Variants in RFX3 observed in about 807,000 individuals in gnomAD.
RFX3 encodes regulatory factor X3.
A neutral mutation model predicts 98.6 loss-of-function variants in RFX3; 14 were observed. The observed-to-expected ratio is 0.14, with a 90% CI of 0.09 to 0.22. The LOEUF (loss-of-function observed/expected upper bound fraction) is 0.22. Ranked by LOEUF, RFX3 falls within the 10% of genes least tolerant of loss-of-function variation. The pLI, the probability that RFX3 is intolerant of heterozygous loss-of-function variation, is 1.00. For missense variants in RFX3, 639 were observed against 926.9 expected (o/e 0.69, Z 4.03); for synonymous variants, 383 against 328.4 (o/e 1.17, Z -1.80).
intron 2 of RFX3, among the ~76,000 whole-genome samples, chr9:3,374,086 A>ACG (rs1554684120): frequency 6.8e-4 from 94 of 139,136 alleles, no homozygotes; most frequent in African/African-American, 2.6e-3. Flanking sequence ...TCACACACAC[A>ACG]CGCGCGCACA....
In RFX3 at chr9:3,317,374, T is replaced by C. The variant is rs59438133; in HGVS notation, c.474+12885A>G. Among the ~76,000 whole-genome samples the C allele has an allele frequency of 5.2e-3, 797 of 152,286 alleles. 10 individuals are homozygous for C. Among genetic ancestry groups the C allele is most frequent in the African/African-American group, 0.018 (754 of 41,556 alleles). On this transcript the variant is annotated intron_variant, in intron 4 of 16. Coordinates refer to ENST00000617270, the MANE Select transcript of RFX3 (RefSeq NM_001282116.2). ...ACCTTATGCAAAAATTAATTCAAGA[T>C]GGATTAAAGACTTAAATGTTAGACC...
intron 4 of RFX3, among the ~76,000 whole-genome samples, chr9:3,327,413 G>C (rs1352438573): frequency 2.0e-5 from 3 of 151,794 alleles, no homozygotes; most frequent in Admixed American, 2.0e-4. Context: ...ATTGAGACGG[G>C]GATTTAAATT....
At chr9:3,365,250 A>G (rs1295297536) in intron 2 of RFX3, among the ~76,000 whole-genome samples, 4 of 149,524 alleles carry the variant, frequency 2.7e-5, no homozygotes, top group Non-Finnish European at 5.9e-5. Context: ...CAGTGAGCCG[A>G]GATCACACCA....
intron 16 of RFX3, among the ~76,000 whole-genome samples, chr9:3,225,816 T>A (rs1563762860): frequency 6.6e-6 from 1 of 152,184 alleles, no homozygotes; most frequent in Non-Finnish European, 1.5e-5. Flanking sequence ...CACTCATCAA[T>A]GTCACAGTAT....
intron 4 of RFX3, among the ~76,000 whole-genome samples, chr9:3,303,696 T>C (rs1435959279): frequency 6.6e-6 from 1 of 151,948 alleles, no homozygotes; most frequent in Non-Finnish European, 1.5e-5. Context: ...GCTGTTATTT[T>C]ATAGTGGTCC....
intron 1 of RFX3, among the ~76,000 whole-genome samples, chr9:3,516,799 T>G (rs1818221213): frequency 1.3e-5 from 2 of 152,190 alleles, no homozygotes; most frequent in Non-Finnish European, 1.5e-5. Context: ...TTTAAATATC[T>G]CATTGGTGAG....
At chr9:3,269,531 T>G (rs748031326) in intron 11 of RFX3, among the ~76,000 whole-genome samples, 1 of 152,172 alleles carries the variant, frequency 6.6e-6, no homozygotes, top group Non-Finnish European at 1.5e-5. Context: ...GTCACTACTG[T>G]GTACTCATAT....
chr9:3,361,661 GAAAAAAAAA>G (rs71324242), intron 2 of RFX3, among the ~76,000 whole-genome samples: 3 of 87,798 alleles, frequency 3.4e-5, no homozygotes, highest in East Asian at 3.5e-4. Context: ...GTTTCTTTAG[GAAAAAAAAA>G]AAAAAAAAAA....
chr9:3,423,546 T>C (rs1843641027), intron 1 of RFX3, among the ~76,000 whole-genome samples: 1 of 151,974 alleles, frequency 6.6e-6, no homozygotes, highest in Non-Finnish European at 1.5e-5. Context: ...CATAATGCTT[T>C]ATTAATCCAT....
At chr9:3,464,328 G>A (rs1175758754) in intron 1 of RFX3, among the ~76,000 whole-genome samples, 1 of 152,144 alleles carries the variant, frequency 6.6e-6, no homozygotes, top group African/African-American at 2.4e-5. Context: ...CACTTATATT[G>A]CATAACACTG....
At chr9:3,525,587 C>T (rs1233755039) in intron 1 of RFX3, among the ~76,000 whole-genome samples, 160 bp downstream of exon 1, 1 of 152,076 alleles carries the variant, frequency 6.6e-6, no homozygotes, top group Non-Finnish European at 1.5e-5. Flanking sequence ...GGGAACAGAG[C>T]CCCTCGGCGG....
chr9:3,347,923 A>G (rs888600976), intron 2 of RFX3, among the ~76,000 whole-genome samples: 7 of 152,216 alleles, frequency 4.6e-5, no homozygotes, highest in African/African-American at 1.7e-4. Flanking sequence ...CTGGAACACA[A>G]TAATATCATT....
At chr9:3,399,088 T>C (rs1015820479) in intron 1 of RFX3, among the ~76,000 whole-genome samples, 45 of 151,884 alleles carry the variant, frequency 3.0e-4, no homozygotes, top group African/African-American at 1.1e-3. Context: ...CTCAGAGTGA[T>C]TACAAAATTC....
At chr9:3,326,417 A>G (rs1233194363) in intron 4 of RFX3, among the ~76,000 whole-genome samples, 1 of 152,096 alleles carries the variant, frequency 6.6e-6, no homozygotes, top group South Asian at 2.1e-4. Flanking sequence ...GATTTATTGT[A>G]CCAATTATTT....
Position 3,243,453 on chromosome 9 carries a change from G to A in RFX3, c.1968+4579C>T, listed in dbSNP as rs554168496. 3.9e-5 allele frequency among the ~76,000 whole-genome samples: 6 copies of A among 152,152 alleles called. No homozygotes were observed. The South Asian group carries it at 1.0e-3, about 26-fold the overall frequency. On this transcript the variant is annotated intron_variant, in intron 15 of 16. Coordinates refer to ENST00000617270, the MANE Select transcript of RFX3 (RefSeq NM_001282116.2). ...CTGTGAAGCTGTTTCCAGCTTAGGG[G>A]AGTCCATTGTATAGCAGTCTTTATT...
chr9:3,280,296 C>A (rs1563851782), intron 7 of RFX3, among the ~76,000 whole-genome samples: 1 of 151,794 alleles, frequency 6.6e-6, no homozygotes, highest in Non-Finnish European at 1.5e-5. Flanking sequence ...AGCTCATGTA[C>A]AAGAGGGCTA....
intron 1 of RFX3, among the ~76,000 whole-genome samples, chr9:3,472,313 A>G (rs1054108480): frequency 2.0e-5 from 3 of 152,110 alleles, no homozygotes; most frequent in African/African-American, 7.2e-5. Flanking sequence ...TCCACCACTT[A>G]CTACTTAAAT....
At chr9:3,393,089 T>C (rs1264147369) in intron 2 of RFX3, among the ~76,000 whole-genome samples, 1 of 151,972 alleles carries the variant, frequency 6.6e-6, no homozygotes, top group Non-Finnish European at 1.5e-5. Context: ...GTGTGTGTTG[T>C]GTTAGGGACC....
At chr9:3,445,256 G>C (rs1845946491) in intron 1 of RFX3, among the ~76,000 whole-genome samples, 1 of 148,602 alleles carries the variant, frequency 6.7e-6, no homozygotes, top group Non-Finnish European at 1.5e-5. Flanking sequence ...TAAATTTATT[G>C]AGAGAAGGGA....
Sources: gnomAD v4.1 joint callset for allele counts (sites outside exome capture counted in the v4.1 genomes callset) on GRCh38, gnomAD v4.1.1 for gene constraint, MANE v1.5 for transcripts, NCBI Gene and HGNC (gene_info 2026-07-23, HGNC 2026-07-21) for gene names.